Variants in STPG2 observed in about 807,000 individuals in gnomAD.
STPG2 encodes sperm tail PG-rich repeat containing 2.
STPG2 carries 56 observed loss-of-function variants against 54.2 expected under a neutral mutation model. The observed-to-expected ratio is 1.03, with a 90% CI of 0.83 to 1.29. The LOEUF is 1.29. Ranked by LOEUF, STPG2 falls within the 50% of genes most tolerant of loss-of-function variation. The probability of loss-of-function intolerance (pLI) is 0.00; values close to 1 mark genes in which losing one functional copy is unlikely to be tolerated. For missense variants in STPG2, 596 were observed against 544.9 expected, an observed-to-expected ratio of 1.09 and a Z score of -0.93; for synonymous variants, 200 against 181.8, an observed-to-expected ratio of 1.10 and a Z score of -0.81.
At chr4:97,956,467 G>A (rs542362019) in intron 7 of STPG2, among the ~76,000 whole-genome samples, 42 of 152,212 alleles carry the variant, frequency 2.8e-4, no homozygotes, top group Middle Eastern at 6.8e-3. Context: ...GCAGTGTGTG[G>A]AGTCTCAGAC....
intron 9 of STPG2, among the ~76,000 whole-genome samples, chr4:97,733,047 G>C (rs1724857703): frequency 1.3e-5 from 2 of 152,080 alleles, no homozygotes; most frequent in Admixed American, 6.6e-5. Context: ...AAAGAGTTAA[G>C]AGTAGATCTA....
intron 6 of STPG2, among the ~76,000 whole-genome samples, chr4:97,979,462 A>G (rs7687315): frequency 0.4 from 60,545 of 151,920 alleles, 12,225 homozygotes; most frequent in Middle Eastern, 0.46. Context: ...TGATTATCCT[A>G]TATCTCTCCC....
chr4:97,803,325 T>C (rs529843234), intron 9 of STPG2, among the ~76,000 whole-genome samples: 188 of 152,280 alleles, frequency 1.2e-3, no homozygotes, highest in African/African-American at 4.3e-3. Flanking sequence ...AAATGAGAAA[T>C]AGATGTTAAA....
chr4:97,511,949 G>T (rs983248807), intron 4 of STPG2, among the ~76,000 whole-genome samples: 1 of 152,132 alleles, frequency 6.6e-6, no homozygotes, highest in Non-Finnish European at 1.5e-5. Context: ...ACATGTGGAA[G>T]GTGGTGAGAG....
chr4:98,064,140 A>T (rs73832121), intron 5 of STPG2, among the ~76,000 whole-genome samples: 111 of 152,322 alleles, frequency 7.3e-4, no homozygotes, highest in African/African-American at 2.6e-3. Flanking sequence ...TAAGTAGGAA[A>T]ATCTGATTAA....
chr4:97,877,500 T>C (rs1178873408), intron 8 of STPG2, among the ~76,000 whole-genome samples: 1 of 152,156 alleles, frequency 6.6e-6, no homozygotes, highest in Admixed American at 6.5e-5. Flanking sequence ...CTTATCATTA[T>C]GGTGAAAGGC....
At chr4:98,108,883 G>T (rs908280475) in intron 4 of STPG2, among the ~76,000 whole-genome samples, 4 of 151,994 alleles carry the variant, frequency 2.6e-5, no homozygotes, top group African/African-American at 9.7e-5. Context: ...AACTTGGGGG[G>T]ATGGGGGGCT....
chr4:97,652,600 A>G (rs539155949), intron 10 of STPG2, among the ~76,000 whole-genome samples: 1 of 152,040 alleles, frequency 6.6e-6, no homozygotes, highest in East Asian at 1.9e-4. Flanking sequence ...CATTCTTAGC[A>G]CTGTACACTG....
At chr4:97,996,524 T>C (rs1735243339) in intron 5 of STPG2, among the ~76,000 whole-genome samples, 1 of 152,242 alleles carries the variant, frequency 6.6e-6, no homozygotes, top group African/African-American at 2.4e-5. Flanking sequence ...ACTCAGGAAA[T>C]ACCCTTTTGG....
At chr4:97,516,678 T>C (rs954597526) in intron 4 of STPG2, among the ~76,000 whole-genome samples, 1 of 151,234 alleles carries the variant, frequency 6.6e-6, no homozygotes, top group African/African-American at 2.4e-5. Context: ...ACAAAAAAAA[T>C]TTAACCAGGC....
intron 8 of STPG2, among the ~76,000 whole-genome samples, chr4:97,854,489 A>T (rs1397217140): frequency 2.7e-5 from 4 of 148,250 alleles, no homozygotes; most frequent in South Asian, 2.1e-4. Flanking sequence ...TAATATATAT[A>T]ATTTATATAT....
intron 8 of STPG2, 61 bp downstream of exon 8, chr4:97,943,836 T>C: frequency 7.7e-7 from 1 of 1,295,222 alleles, no homozygotes; most frequent in Non-Finnish European, 1.1e-6. Context: ...ATGTTTATGT[T>C]ATGCAGCCTC....
chr4:98,030,095 T>A (rs1736546632), intron 5 of STPG2, among the ~76,000 whole-genome samples: 1 of 152,188 alleles, frequency 6.6e-6, no homozygotes, highest in South Asian at 2.1e-4. Flanking sequence ...TCTTCCATTA[T>A]CCGGTTTGCA....
At chr4:97,653,495 G>T (rs577050098) in intron 10 of STPG2, among the ~76,000 whole-genome samples, 36 of 151,686 alleles carry the variant, frequency 2.4e-4, no homozygotes, top group Middle Eastern at 3.4e-3. Context: ...GGCATCAAAA[G>T]AATTTATTTT....
chr4:97,629,964 G>C (rs952329609), intron 10 of STPG2, among the ~76,000 whole-genome samples: 2 of 151,860 alleles, frequency 1.3e-5, no homozygotes, highest in African/African-American at 4.8e-5. Context: ...CTGTTAATCA[G>C]ACAAGAAACC....
intron 9 of STPG2, among the ~76,000 whole-genome samples, chr4:97,812,682 C>T (rs1015050695): frequency 3.9e-5 from 6 of 152,034 alleles, no homozygotes; most frequent in Non-Finnish European, 8.8e-5. Flanking sequence ...AATTGTAATG[C>T]CCCAGTAGCT....
At chr4:97,912,772 G>C (rs536703987) in intron 8 of STPG2, among the ~76,000 whole-genome samples, 1 of 152,338 alleles carries the variant, frequency 6.6e-6, no homozygotes, top group South Asian at 2.1e-4. Context: ...CATACTGCAG[G>C]ATATCATCTA....
intron 4 of STPG2, among the ~76,000 whole-genome samples, chr4:97,535,402 A>G (rs1351970705): frequency 6.6e-6 from 1 of 152,188 alleles, no homozygotes; most frequent in East Asian, 1.9e-4. Context: ...AAAGAACTTC[A>G]GTTTAAAGAA....
intron 10 of STPG2, among the ~76,000 whole-genome samples, chr4:97,583,975 A>G (rs1361191251): frequency 6.6e-6 from 1 of 151,932 alleles, no homozygotes; most frequent in Non-Finnish European, 1.5e-5. Context: ...CAGGTTATCA[A>G]GATAGAGTGT....
Sources: gnomAD v4.1 joint callset for allele counts (sites outside exome capture counted in the v4.1 genomes callset) on GRCh38, gnomAD v4.1.1 for gene constraint, MANE v1.5 for transcripts, NCBI Gene and HGNC (gene_info 2026-07-23, HGNC 2026-07-21) for gene names.